GLT1D1: variants seen among roughly 807,000 people sequenced by gnomAD.
GLT1D1 encodes glycosyltransferase 1 domain containing 1.
In GLT1D1, 21 loss-of-function variants were observed where a neutral mutation model predicts 28.7. The ratio of observed to expected loss-of-function variants is 0.73; its 90% CI spans 0.52 to 1.05. The LOEUF is 1.05. Among genes scored for constraint, GLT1D1 ranks in the 50% least tolerant of loss-of-function variants. The pLI, the probability that GLT1D1 is intolerant of heterozygous loss-of-function variation, is 0.00. For synonymous variants in GLT1D1, 147 were observed against 124.8 expected (o/e 1.18, Z -1.19); for missense variants, 343 against 330.6 (o/e 1.04, Z -0.29).
At chr12:128,976,379 C>T (rs924109073) in intron 7 of GLT1D1, among the ~76,000 whole-genome samples, 1 of 152,152 alleles carries the variant, frequency 6.6e-6, no homozygotes, top group Non-Finnish European at 1.5e-5. Context: ...TACAAGCTCC[C>T]TTAGAGAGTC....
intron 7 of GLT1D1, among the ~76,000 whole-genome samples, chr12:128,959,673 A>G (rs1877739861): frequency 6.6e-6 from 1 of 152,188 alleles, no homozygotes; most frequent in Non-Finnish European, 1.5e-5. Context: ...TAAAAACCTA[A>G]ATAATATCAG....
Position 128,899,258 on chromosome 12 carries a change from T to G in GLT1D1, c.346T>G (p.Ser116Ala). The change falls in exon 4 of 8, where the codon TCA (serine) becomes GCA (alanine). Residue 116 changes from serine (S) to alanine (A), a missense_variant. Coordinates refer to ENST00000281703, the MANE Select transcript of GLT1D1 (RefSeq NM_144669.3). ...TAGATTTGCTGTCGCTTTCACAGAG[T>G]CAATGAAGGAAATGGCACAAGCGCA... 8 of 1,613,610 alleles carry G rather than the reference T, an allele frequency of 5.0e-6. No individual in the cohort carries two copies. The highest frequency in any genetic ancestry group is 5.9e-6 in the Non-Finnish European group (7 of 1,179,514).
chr12:128,886,904 C>T (rs1374470509), intron 2 of GLT1D1, among the ~76,000 whole-genome samples: 1 of 152,034 alleles, frequency 6.6e-6, no homozygotes, highest in African/African-American at 2.4e-5. Flanking sequence ...ACTGGGCGGG[C>T]GTTTCTATGT....
At chr12:128,925,052 T>C (rs578043720) in intron 4 of GLT1D1, among the ~76,000 whole-genome samples, 1 of 152,214 alleles carries the variant, frequency 6.6e-6, no homozygotes, top group African/African-American at 2.4e-5. Context: ...TTTTTTTTTT[T>C]ACTTTTTCCA....
intron 4 of GLT1D1, among the ~76,000 whole-genome samples, chr12:128,910,685 T>G (rs1187019434): frequency 1.4e-5 from 2 of 147,910 alleles, no homozygotes; most frequent in African/African-American, 4.9e-5. Context: ...CCTTTAGCCT[T>G]TTTTTTTTTT....
intron 4 of GLT1D1, among the ~76,000 whole-genome samples, chr12:128,908,406 TTCTTTC>T (rs1871158157): frequency 7.5e-6 from 1 of 134,188 alleles, no homozygotes; most frequent in Non-Finnish European, 1.5e-5. Flanking sequence ...CTCTCTCTCT[TTCTTTC>T]TTTCTTTTTC....
At chr12:128,875,754 T>C (rs1330337919) in intron 1 of GLT1D1, among the ~76,000 whole-genome samples, 160 bp from the exon 2 acceptor site, 1 of 151,788 alleles carries the variant, frequency 6.6e-6, no homozygotes, top group East Asian at 1.9e-4. Context: ...GAGCTGAGAC[T>C]GCACCATTGC....
At chr12:128,881,629 T>C (rs1957064198) in intron 2 of GLT1D1, among the ~76,000 whole-genome samples, 1 of 132,442 alleles carries the variant, frequency 7.6e-6, no homozygotes, top group Non-Finnish European at 1.6e-5. Context: ...AATAAATATA[T>C]TTATATACCT....
At chr12:128,944,200 A>G in intron 4 of GLT1D1, 1 of 439,214 alleles carries the variant, frequency 2.3e-6, no homozygotes. Flanking sequence ...TCTTAGGAAA[A>G]GCAGCTTCTA....
In GLT1D1 at chr12:128,945,343, A is replaced by T. The variant is rs1452372046; in HGVS notation, c.393A>T (p.Thr131=). The T allele has an allele frequency of 1.9e-6, 3 of 1,614,022 alleles. No homozygotes were observed. In the African/African-American group the frequency reaches 4.0e-5, roughly 22 times the overall value. The change falls in exon 5 of 8, where the codon ACA becomes ACT. Residue 131 remains threonine, a synonymous_variant. Transcript: ENST00000281703. ...CTTTTCAGGTCGATCCAGTGTTTAC[A>T]AGGGAAGTGAAAGCCAAAGTGAAAA... is the stretch of plus-strand genomic sequence containing the variant.
chr12:128,865,516 AT>A (rs1566083650), intron 1 of GLT1D1, among the ~76,000 whole-genome samples: 2 of 152,162 alleles, frequency 1.3e-5, no homozygotes, highest in Admixed American at 6.5e-5. Flanking sequence ...ATGTTAAAAA[AT>A]ATATAGAAAT....
intron 6 of GLT1D1, among the ~76,000 whole-genome samples, chr12:128,951,422 A>G (rs79635847): frequency 0.011 from 1,742 of 152,282 alleles, 46 homozygotes; most frequent in African/African-American, 0.04. Flanking sequence ...AAAAGAAAAC[A>G]AAAACACATC....
At chr12:128,952,217 G>C (rs181845645) in intron 6 of GLT1D1, among the ~76,000 whole-genome samples, 1 of 151,944 alleles carries the variant, frequency 6.6e-6, no homozygotes, top group African/African-American at 2.4e-5. Context: ...ACTTTAGGAC[G>C]TAGTAAGTGC....
chr12:128,962,775 T>C (rs1049405516), intron 7 of GLT1D1, among the ~76,000 whole-genome samples: 2 of 152,104 alleles, frequency 1.3e-5, no homozygotes, highest in African/African-American at 2.4e-5. Flanking sequence ...GATCTCGGCT[T>C]GCTGCAACCT....
chr12:128,929,944 C>A (rs546132767), intron 4 of GLT1D1, among the ~76,000 whole-genome samples: 1 of 152,330 alleles, frequency 6.6e-6, no homozygotes, highest in South Asian at 2.1e-4. Flanking sequence ...CCACTGCACT[C>A]CAGCCTGGGT....
intron 7 of GLT1D1, among the ~76,000 whole-genome samples, chr12:128,982,523 G>A (rs1380312524): frequency 2.0e-5 from 3 of 152,184 alleles, no homozygotes; most frequent in Admixed American, 1.3e-4. Flanking sequence ...TCAGACTCTG[G>A]GGTAACACCT....
At chr12:128,900,600 A>C (rs548108900) in intron 4 of GLT1D1, among the ~76,000 whole-genome samples, 2 of 151,770 alleles carry the variant, frequency 1.3e-5, no homozygotes, top group East Asian at 3.9e-4. Context: ...AAAACCCAAC[A>C]GGCATCCTGG....
intron 5 of GLT1D1, 136 bp downstream of exon 9, chr12:128,945,505 C>T (rs1317670567): frequency 5.1e-5 from 39 of 767,620 alleles, no homozygotes; most frequent in Admixed American, 2.5e-4. Flanking sequence ...ATCTTCCCGG[C>T]GAGCCCGTGG....
chr12:128,973,629 G>T (rs1248903911), intron 7 of GLT1D1, among the ~76,000 whole-genome samples: 2 of 151,904 alleles, frequency 1.3e-5, no homozygotes, highest in African/African-American at 2.4e-5. Flanking sequence ...CCAGAGGAAG[G>T]TCTCCCGGTC....
Sources: gnomAD v4.1 joint callset for allele counts (sites outside exome capture counted in the v4.1 genomes callset) on GRCh38, gnomAD v4.1.1 for gene constraint, MANE v1.5 for transcripts, NCBI Gene and HGNC (gene_info 2026-07-23, HGNC 2026-07-21) for gene names.